Variants in MRTFB observed in about 807,000 individuals in gnomAD.
MRTFB encodes myocardin related transcription factor B.
A neutral mutation model predicts 104.2 loss-of-function variants in MRTFB; 29 were observed. The ratio of observed to expected loss-of-function variants is 0.28; its 90% CI spans 0.21 to 0.38. MRTFB has a LOEUF of 0.38. Ranked by LOEUF, MRTFB falls within the 10% of genes least tolerant of loss-of-function variation. The pLI is 1.00. For missense variants in MRTFB, 1,270 were observed against 1,341.6 expected (o/e 0.95, Z 0.83); for synonymous variants, 535 against 519.5 (o/e 1.03, Z -0.41).
At chr16:14,251,762 C>T in intron 13 of MRTFB, 100 bp from the exon 14 acceptor site, 1 of 1,279,454 alleles carries the variant, frequency 7.8e-7, no homozygotes, top group Non-Finnish European at 1.1e-6. Context: ...CAGCCCTTTA[C>T]AGAAAAAGTT....
the MRTFB span, among the ~76,000 whole-genome samples, chr16:14,062,127 C>G: frequency 6.6e-6 from 1 of 152,098 alleles, no homozygotes; most frequent in Non-Finnish European, 1.5e-5. Flanking sequence ...GGGTCTTGCT[C>G]TGTCACCCAG....
At chr16:14,196,461 C>G (rs2040435772) in intron 3 of MRTFB, among the ~76,000 whole-genome samples, 1 of 152,200 alleles carries the variant, frequency 6.6e-6, no homozygotes, top group African/African-American at 2.4e-5. Context: ...TCTATACCAC[C>G]TGCCACTTCC....
At chr16:14,095,032 C>T (rs1379510020) in intron 2 of MRTFB, among the ~76,000 whole-genome samples, 1 of 152,040 alleles carries the variant, frequency 6.6e-6, no homozygotes, top group Non-Finnish European at 1.5e-5. Flanking sequence ...GTTAGGGCAC[C>T]CCGTAGGTCT....
At chr16:14,201,174 T>C (rs1301461642) in intron 3 of MRTFB, among the ~76,000 whole-genome samples, 1 of 152,242 alleles carries the variant, frequency 6.6e-6, no homozygotes, top group Non-Finnish European at 1.5e-5. Flanking sequence ...AAAGTATATG[T>C]TGGCACTAGA....
At chr16:14,133,082 A>G (rs1450864260) in intron 2 of MRTFB, among the ~76,000 whole-genome samples, 1 of 152,244 alleles carries the variant, frequency 6.6e-6, no homozygotes, top group East Asian at 1.9e-4. Flanking sequence ...ATTGTAAAAT[A>G]TAGATGCATT....
chr16:14,092,325 A>G (rs375182324), intron 2 of MRTFB, among the ~76,000 whole-genome samples: 1 of 152,192 alleles, frequency 6.6e-6, no homozygotes. Context: ...GAATGAATGA[A>G]TGCAGGTGAC....
intron 9 of MRTFB, among the ~76,000 whole-genome samples, chr16:14,239,512 T>C (rs2042668970): frequency 6.6e-6 from 1 of 152,244 alleles, no homozygotes; most frequent in African/African-American, 2.4e-5. Flanking sequence ...TTTCGTATAT[T>C]TTCTTTTTTG....
At chr16:14,070,732 T>C (rs567046904), upstream of MRTFB, among the ~76,000 whole-genome samples, 1 of 152,338 alleles carries the variant, frequency 6.6e-6, no homozygotes, top group East Asian at 1.9e-4. Flanking sequence ...CCTTGAGCCT[T>C]GAACGGAAAG....
chr16:14,182,880 CT>C lies in MRTFB; in HGVS notation c.155-27362del, dbSNP rs777897773. Among the ~76,000 whole-genome samples the C allele has an allele frequency of 4.1e-4, 63 of 152,238 alleles. 1 individual carries two copies. Among genetic ancestry groups the C allele is most frequent in the Non-Finnish European group, 7.2e-4 (49 of 68,012 alleles). On this transcript the variant is annotated intron_variant, in intron 3 of 16. Coordinates refer to ENST00000571589, the MANE Select transcript of MRTFB (RefSeq NM_001308142.2). Reference sequence around the variant, plus strand: ...ATAAGCTATTGCATGAAATAGGAGACTGTAAGTAGGTAACATAAACCATGTA... The same window carrying C: ...ATAAGCTATTGCATGAAATAGGAGACGTAAGTAGGTAACATAAACCATGTA...
At chr16:14,092,209 A>G (rs1043413943) in intron 2 of MRTFB, among the ~76,000 whole-genome samples, 2 of 152,152 alleles carry the variant, frequency 1.3e-5, no homozygotes, top group African/African-American at 4.8e-5. Context: ...TTCCTTCACT[A>G]TTAGAAACCC....
chr16:14,216,544 T>C (rs1597274442), intron 6 of MRTFB, among the ~76,000 whole-genome samples: 1 of 152,204 alleles, frequency 6.6e-6, no homozygotes, highest in African/African-American at 2.4e-5. Context: ...CATTAATTAC[T>C]GTATATTATA....
intron 12 of MRTFB, chr16:14,247,778 C>T: frequency 2.3e-6 from 1 of 428,696 alleles, no homozygotes; most frequent in South Asian, 3.6e-5. Flanking sequence ...TTTTACACAC[C>T]AGTGACGTGA....
chr16:14,035,177 A>G, the MRTFB span, among the ~76,000 whole-genome samples: 1 of 152,192 alleles, frequency 6.6e-6, no homozygotes, highest in Non-Finnish European at 1.5e-5. Context: ...CCCTGCACCA[A>G]TGCAAGGAGA....
chr16:14,100,004 TAG>T (rs1344670927), intron 2 of MRTFB, among the ~76,000 whole-genome samples: 1 of 152,176 alleles, frequency 6.6e-6, no homozygotes, highest in Admixed American at 6.5e-5. Context: ...GCTTTTTTTG[TAG>T]AGTTTATTGG....
chr16:14,243,129 T>C (rs971037389), intron 10 of MRTFB, among the ~76,000 whole-genome samples: 1 of 152,138 alleles, frequency 6.6e-6, no homozygotes, highest in Non-Finnish European at 1.5e-5. Context: ...TTAAAGAAAA[T>C]GTTTTCATAA....
chr16:14,234,044 T>G (rs185926217), intron 8 of MRTFB, 102 bp from the exon 9 acceptor site: 20 of 1,432,488 alleles, frequency 1.4e-5, no homozygotes, highest in Non-Finnish European at 1.7e-5. Context: ...TTGCTTCTTT[T>G]CTAGTGGGCT....
intron 7 of MRTFB, among the ~76,000 whole-genome samples, 153 bp downstream of exon 7, chr16:14,217,440 A>G (rs2041476785): frequency 6.6e-6 from 1 of 152,202 alleles, no homozygotes; most frequent in African/African-American, 2.4e-5. Flanking sequence ...CTATCATTTC[A>G]TTATGTATTA....
the MRTFB span, among the ~76,000 whole-genome samples, chr16:14,036,193 TTATATATAATATATTATATAAAA>T: frequency 4.8e-5 from 6 of 123,714 alleles, no homozygotes; most frequent in African/African-American, 1.5e-4. Context: ...ATAAAATACA[TTATATATAATATATTATATAAAA>T]TATATATAAT....
At chr16:14,219,793 G>A (rs1353861554) in intron 8 of MRTFB, among the ~76,000 whole-genome samples, 1 of 152,140 alleles carries the variant, frequency 6.6e-6, no homozygotes, top group Non-Finnish European at 1.5e-5. Context: ...TTTGTTGTCT[G>A]TATGCCTGCA....
Sources: allele counts gnomAD v4.1 joint callset (sites outside exome capture counted in the v4.1 genomes callset), GRCh38; gene constraint gnomAD v4.1.1; transcripts MANE v1.5; gene names NCBI Gene and HGNC (gene_info 2026-07-23, HGNC 2026-07-21).